Variants in ARFIP1 observed in about 807,000 individuals in gnomAD.
The protein encoded by ARFIP1 is ARF interacting protein 1.
A neutral mutation model predicts 42.5 loss-of-function variants in ARFIP1; 24 were observed. The ratio of observed to expected loss-of-function variants is 0.57; its 90% CI spans 0.41 to 0.80. The LOEUF (loss-of-function observed/expected upper bound fraction) is 0.80. Ranked by LOEUF, ARFIP1 falls within the 30% of genes least tolerant of loss-of-function variation. The pLI, the probability that ARFIP1 is intolerant of heterozygous loss-of-function variation, is 0.00. For missense variants in ARFIP1, 354 were observed against 434.0 expected (o/e 0.82, Z 1.64); for synonymous variants, 141 against 153.7 (o/e 0.92, Z 0.61).
chr4:152,843,890 G>A (rs555943381), intron 2 of ARFIP1, among the ~76,000 whole-genome samples: 4 of 152,270 alleles, frequency 2.6e-5, no homozygotes, highest in African/African-American at 9.6e-5. Flanking sequence ...GGCCTGTGGA[G>A]TCTGCACACG....
intron 3 of ARFIP1, among the ~76,000 whole-genome samples, chr4:152,869,979 CT>C (rs1734742399): frequency 6.6e-6 from 1 of 152,162 alleles, no homozygotes; most frequent in African/African-American, 2.4e-5. Flanking sequence ...ATCAGTAGAT[CT>C]TTTTGAGTAT....
intron 8 of ARFIP1, among the ~76,000 whole-genome samples, chr4:152,904,927 G>A (rs1041619910): frequency 4.6e-5 from 7 of 152,092 alleles, no homozygotes; most frequent in African/African-American, 1.7e-4. Context: ...TGGGATTGCT[G>A]GGTCAAATGG....
intron 8 of ARFIP1, among the ~76,000 whole-genome samples, chr4:152,897,397 A>G (rs1330465502): frequency 6.6e-6 from 1 of 152,132 alleles, no homozygotes; most frequent in African/African-American, 2.4e-5. Context: ...ACAGTATTGA[A>G]AAGCTTTCCA....
At chr4:152,841,552 G>A (rs1374287126) in intron 2 of ARFIP1, among the ~76,000 whole-genome samples, 1 of 152,114 alleles carries the variant, frequency 6.6e-6, no homozygotes, top group Non-Finnish European at 1.5e-5. Context: ...TGAAGATTTA[G>A]AGCCCCTTTC....
intron 5 of ARFIP1, among the ~76,000 whole-genome samples, chr4:152,878,004 A>T (rs1178914795): frequency 6.6e-6 from 1 of 152,176 alleles, no homozygotes; most frequent in Non-Finnish European, 1.5e-5. Flanking sequence ...CTAATACACT[A>T]CTTAAATACT....
chr4:152,819,840 C>T (rs1343415958), intron 1 of ARFIP1, among the ~76,000 whole-genome samples: 1 of 152,170 alleles, frequency 6.6e-6, no homozygotes, highest in Non-Finnish European at 1.5e-5. Context: ...CTCTTGCCCA[C>T]CACTGCAAAC....
At chr4:152,859,009 T>C (rs1433612212) in intron 2 of ARFIP1, among the ~76,000 whole-genome samples, 3 of 152,132 alleles carry the variant, frequency 2.0e-5, no homozygotes, top group East Asian at 3.9e-4. Context: ...CCAAGACCAA[T>C]ATTTTTCTTT....
At chr4:152,851,984 A>G (rs1004748281) in intron 2 of ARFIP1, among the ~76,000 whole-genome samples, 4 of 152,262 alleles carry the variant, frequency 2.6e-5, no homozygotes, top group Non-Finnish European at 5.9e-5. Context: ...TAAAATGTAC[A>G]AAAATGTATT....
intron 8 of ARFIP1, among the ~76,000 whole-genome samples, chr4:152,905,046 T>C (rs373609108): frequency 2.9e-4 from 44 of 152,342 alleles, no homozygotes; most frequent in East Asian, 2.7e-3. Context: ...CTCCACAGCC[T>C]TCCCAGCATC....
chr4:152,789,966 A>G (rs1430533169), intron 1 of ARFIP1, among the ~76,000 whole-genome samples: 1 of 152,198 alleles, frequency 6.6e-6, no homozygotes, highest in Non-Finnish European at 1.5e-5. Flanking sequence ...CTATTGGAGA[A>G]TAGTATTAGA....
intron 1 of ARFIP1, among the ~76,000 whole-genome samples, chr4:152,787,063 C>G (rs75693850): frequency 0.016 from 2,417 of 152,206 alleles, 60 homozygotes; most frequent in African/African-American, 0.055. Flanking sequence ...GTTCAGTGGC[C>G]TATAAACTTC....
At chr4:152,803,481 C>A (rs181799856) in intron 1 of ARFIP1, among the ~76,000 whole-genome samples, 146 of 152,202 alleles carry the variant, frequency 9.6e-4, no homozygotes, top group Non-Finnish European at 1.7e-3. Flanking sequence ...TTCAAAATGC[C>A]AGGAGGACAC....
chr4:152,883,508 C>T (rs1277854453), intron 7 of ARFIP1, among the ~76,000 whole-genome samples: 1 of 151,900 alleles, frequency 6.6e-6, no homozygotes, highest in Non-Finnish European at 1.5e-5. Flanking sequence ...CCTTCAAACC[C>T]TTTCAAATTT....
intron 1 of ARFIP1, among the ~76,000 whole-genome samples, chr4:152,815,518 T>G (rs1266499914): frequency 6.6e-6 from 1 of 152,210 alleles, no homozygotes; most frequent in East Asian, 1.9e-4. Context: ...TTGCATATAA[T>G]AGGCTTGTAA....
chr4:152,870,717 A>G (rs763926396), intron 3 of ARFIP1, 36 bp from the exon 4 acceptor site: 2 of 1,484,802 alleles, frequency 1.3e-6, no homozygotes, highest in East Asian at 2.3e-5. Flanking sequence ...TGGAGGAGGA[A>G]AAGGATTTTC....
intron 2 of ARFIP1, among the ~76,000 whole-genome samples, chr4:152,858,893 T>G (rs566240528): frequency 6.6e-6 from 1 of 152,288 alleles, no homozygotes; most frequent in South Asian, 2.1e-4. Context: ...ATGTTATCTT[T>G]AAAGGAGCAA....
intron 5 of ARFIP1, 22 bp from the exon 6 acceptor site, chr4:152,880,941 A>C (rs756154277): frequency 1.3e-6 from 2 of 1,580,438 alleles, no homozygotes; most frequent in Non-Finnish European, 1.7e-6. Context: ...CTTTCTAAAC[A>C]AAATGCATCT....
intron 2 of ARFIP1, among the ~76,000 whole-genome samples, chr4:152,857,500 A>C (rs377204826): frequency 1.1e-4 from 16 of 152,352 alleles, no homozygotes; most frequent in East Asian, 9.6e-4. Context: ...CAGTTTTCTC[A>C]TCTGTAAAAT....
chr4:152,815,121 A>G (rs967013925), intron 1 of ARFIP1, among the ~76,000 whole-genome samples: 3 of 151,740 alleles, frequency 2.0e-5, no homozygotes, highest in Admixed American at 6.6e-5. Flanking sequence ...GTGCCTCTTC[A>G]TTTCCCTGTA....
Sources: allele counts gnomAD v4.1 joint callset (sites outside exome capture counted in the v4.1 genomes callset), GRCh38; gene constraint gnomAD v4.1.1; transcripts MANE v1.5; gene names NCBI Gene and HGNC (gene_info 2026-07-23, HGNC 2026-07-21).